DIP2C: variants seen among roughly 807,000 people sequenced by gnomAD.
The protein encoded by DIP2C is disco-interacting protein 2 homolog C.
DIP2C carries 33 observed loss-of-function variants against 192.4 expected under a neutral mutation model. The observed-to-expected ratio is 0.17, with a 90% CI of 0.13 to 0.23. The LOEUF (loss-of-function observed/expected upper bound fraction) is 0.23. DIP2C is among the 10% of genes least tolerant of loss of function. DIP2C has a pLI of 1.00. For synonymous variants in DIP2C, 979 were observed against 864.1 expected, an observed-to-expected ratio of 1.13 and a Z score of -2.33; for missense variants, 1,537 against 2,110.1, an observed-to-expected ratio of 0.73 and a Z score of 5.32.
intron 1 of DIP2C, among the ~76,000 whole-genome samples, chr10:520,370 T>C (rs555019244): frequency 8.5e-5 from 13 of 152,354 alleles, no homozygotes; most frequent in Admixed American, 3.3e-4. Context: ...AGAAAGTTAC[T>C]AGACATTAAT....
At chr10:311,638 A>C in intron 31 of DIP2C, 2 of 1,149,284 alleles carry the variant, frequency 1.7e-6, no homozygotes, top group Non-Finnish European at 2.2e-6. Context: ...CACACACAAC[A>C]CACACAGACA....
chr10:527,394 G>A (rs966244672), intron 1 of DIP2C, among the ~76,000 whole-genome samples: 10 of 152,262 alleles, frequency 6.6e-5, no homozygotes, highest in South Asian at 2.1e-4. Context: ...GACTTCAGCC[G>A]CTGCTTTTGT....
At chr10:508,511 C>T (rs1845785010) in intron 1 of DIP2C, among the ~76,000 whole-genome samples, 1 of 152,194 alleles carries the variant, frequency 6.6e-6, no homozygotes, top group Admixed American at 6.5e-5. Context: ...ACAGGTCCTG[C>T]TGCACTGTTA....
chr10:579,664 A>C (rs1564223691), intron 1 of DIP2C, among the ~76,000 whole-genome samples: 1 of 151,980 alleles, frequency 6.6e-6, no homozygotes, highest in Non-Finnish European at 1.5e-5. Context: ...CCAGATCCAT[A>C]GTGTATGTAC....
intron 1 of DIP2C, among the ~76,000 whole-genome samples, chr10:560,352 A>G (rs1168246896): frequency 1.3e-5 from 2 of 152,196 alleles, no homozygotes; most frequent in Non-Finnish European, 2.9e-5. Context: ...AAAGCTGCAC[A>G]ACACAAGAGA....
At chr10:553,908 C>A (rs151239789) in intron 1 of DIP2C, among the ~76,000 whole-genome samples, 1 of 149,856 alleles carries the variant, frequency 6.7e-6, no homozygotes, top group African/African-American at 2.5e-5. Context: ...AAAAGGTATA[C>A]GCTTGTAACT....
intron 1 of DIP2C, among the ~76,000 whole-genome samples, chr10:548,519 GAGGC>G (rs565040745): frequency 1.7e-3 from 187 of 110,626 alleles, no homozygotes; most frequent in South Asian, 5.3e-3. Context: ...GGGAGGGAGG[GAGGC>G]AGGCAGGCAG....
At chr10:662,895 G>C in intron 1 of DIP2C, 1 of 717,604 alleles carries the variant, frequency 1.4e-6, no homozygotes. Context: ...CCACGTGGAA[G>C]AGGCGTGAAC....
chr10:617,128 C>T (rs561655916), intron 1 of DIP2C, among the ~76,000 whole-genome samples: 2 of 152,256 alleles, frequency 1.3e-5, no homozygotes, highest in South Asian at 2.1e-4. Context: ...GCAGACCTCC[C>T]AGGCACTGCC....
chr10:302,294 A>G (rs1256299441), intron 32 of DIP2C, among the ~76,000 whole-genome samples: 1 of 152,132 alleles, frequency 6.6e-6, no homozygotes, highest in Non-Finnish European at 1.5e-5. Context: ...ACAGGCAGAG[A>G]AAGTAAAATA....
intron 1 of DIP2C, among the ~76,000 whole-genome samples, chr10:571,399 G>A (rs568074160): frequency 1.3e-5 from 2 of 152,194 alleles, no homozygotes; most frequent in East Asian, 1.9e-4. Flanking sequence ...CGCGAGGGTC[G>A]GGAACCGGCT....
At chr10:675,516 T>C (rs1830843101) in intron 1 of DIP2C, among the ~76,000 whole-genome samples, 1 of 150,558 alleles carries the variant, frequency 6.6e-6, no homozygotes, top group Non-Finnish European at 1.5e-5. Context: ...ATAAATAAAA[T>C]AGACAAACCA....
intron 32 of DIP2C, among the ~76,000 whole-genome samples, chr10:305,964 TG>T (rs1433047149): frequency 1.4e-5 from 1 of 70,228 alleles, no homozygotes; most frequent in Non-Finnish European, 2.9e-5. Flanking sequence ...CATCTTCAAA[TG>T]CAGACAAATA....
At chr10:500,269 G>A (rs1025958594) in intron 1 of DIP2C, among the ~76,000 whole-genome samples, 1 of 152,240 alleles carries the variant, frequency 6.6e-6, no homozygotes, top group African/African-American at 2.4e-5. Context: ...CAGGGCCCAT[G>A]GCTACTTCTG....
Position 384,613 on chromosome 10 carries a change from G to A in DIP2C, c.1689C>T (p.Ile563=), listed in dbSNP as rs772394846. 5.0e-6 allele frequency: 8 copies of A among 1,614,004 alleles called. No individual in the cohort carries two copies. The highest frequency in any genetic ancestry group is 5.9e-6 in the Non-Finnish European group (7 of 1,180,030). Residue 563 remains isoleucine, a synonymous_variant, in exon 15 of 37, where the codon ATC becomes ATT. Transcript: ENST00000280886. ...LTSVMNMMHV[I]SIPYSLMKVN... ...CCTTCATCAGCGAGTACGGGATGCTGATCACATGCATCATGTTCATGACGC... is the reference window on the plus strand; with the variant it reads ...CCTTCATCAGCGAGTACGGGATGCTAATCACATGCATCATGTTCATGACGC...
chr10:407,852 G>T (rs1034917350), intron 9 of DIP2C, among the ~76,000 whole-genome samples: 3 of 152,032 alleles, frequency 2.0e-5, no homozygotes, highest in Admixed American at 1.3e-4. Context: ...CAAATAATTT[G>T]CATTTTCTCC....
At chr10:677,707 G>A (rs117778873) in intron 1 of DIP2C, among the ~76,000 whole-genome samples, 1,541 of 152,336 alleles carry the variant, frequency 0.01, 13 homozygotes, top group Non-Finnish European at 0.014. Flanking sequence ...GAAAGCTTAT[G>A]AGAGTAGGTA....
At chr10:325,917 C>T (rs1233305098) in intron 31 of DIP2C, among the ~76,000 whole-genome samples, 2 of 152,254 alleles carry the variant, frequency 1.3e-5, no homozygotes, top group South Asian at 4.2e-4. Flanking sequence ...TGCAGTGGCT[C>T]ACGTCTGTAA....
Position 380,004 on chromosome 10 carries a change from T to C in DIP2C, c.1991+2643A>G, listed in dbSNP as rs967724433. On this transcript the variant is annotated intron_variant, in intron 17 of 36. Coordinates refer to ENST00000280886, the MANE Select transcript of DIP2C (RefSeq NM_014974.3). Reference sequence around the variant, plus strand: ...GATGGTTAACACGCAGAAGAGGCTGTCCCTGGATGATGGTTAACGCACAGA... The same window carrying C: ...GATGGTTAACACGCAGAAGAGGCTGCCCCTGGATGATGGTTAACGCACAGA... 2.0e-5 allele frequency among the ~76,000 whole-genome samples: 3 copies of C among 151,954 alleles called. No homozygotes were observed. In the South Asian group the frequency reaches 6.2e-4, roughly 32 times the overall value.
Sources: allele counts gnomAD v4.1 joint callset (sites outside exome capture counted in the v4.1 genomes callset), GRCh38; gene constraint gnomAD v4.1.1; transcripts MANE v1.5; gene names NCBI Gene and HGNC (gene_info 2026-07-23, HGNC 2026-07-21).